The following CREG2 variants were observed in gnomAD, a reference collection of about 807,000 sequenced individuals.
CREG2 encodes the protein cellular repressor of E1A stimulated genes 2.
In CREG2, 24 loss-of-function variants were observed where a neutral mutation model predicts 26.2. That is an observed-to-expected ratio of 0.92 (90% confidence interval 0.66 to 1.29). The LOEUF (loss-of-function observed/expected upper bound fraction) is 1.29. Ranked by LOEUF, CREG2 falls within the 50% of genes most tolerant of loss-of-function variation. The probability of loss-of-function intolerance (pLI) is 0.00; values close to 1 mark genes in which losing one functional copy is unlikely to be tolerated. For missense variants in CREG2, 366 were observed against 398.6 expected (o/e 0.92, Z 0.70); for synonymous variants, 174 against 169.2 (o/e 1.03, Z -0.22).
intron 3 of CREG2, among the ~76,000 whole-genome samples, chr2:101,354,622 T>C (rs115542362): frequency 6.6e-6 from 1 of 152,152 alleles, no homozygotes; most frequent in African/African-American, 2.4e-5. Flanking sequence ...TGGACACCTG[T>C]GGAAAGGCCA....
chr2:101,366,709 C>A (rs1684622551), intron 2 of CREG2, among the ~76,000 whole-genome samples: 1 of 152,044 alleles, frequency 6.6e-6, no homozygotes, highest in Non-Finnish European at 1.5e-5. Context: ...GAAATCCCAG[C>A]AACTTGGGAG....
At chr2:101,367,722 C>T (rs192091383) in intron 2 of CREG2, among the ~76,000 whole-genome samples, 1 of 152,268 alleles carries the variant, frequency 6.6e-6, no homozygotes, top group Admixed American at 6.5e-5. Flanking sequence ...AGAGATTATC[C>T]TGGATTATCC....
chr2:101,357,217 T>A (rs961691800), intron 2 of CREG2, among the ~76,000 whole-genome samples: 2 of 151,476 alleles, frequency 1.3e-5, no homozygotes, highest in African/African-American at 4.8e-5. Flanking sequence ...GAGATGGGGT[T>A]TCACCGTGTT....
rs192646561 is a variant in CREG2, at chr2:101,382,599, C to T, written c.611+934G>A. 1,131 of 985,418 alleles carry T rather than the reference C, an allele frequency of 1.1e-3. 1 individual carries two copies. The highest frequency in any genetic ancestry group is 1.3e-3 in the Non-Finnish European group (1,090 of 829,932). 61.0% of individuals were successfully genotyped at this position (985,418 alleles called of 1,614,324 possible). On this transcript the variant is annotated intron_variant, in intron 2 of 3. Coordinates refer to ENST00000324768, the MANE Select transcript of CREG2 (RefSeq NM_153836.4). ...TGGGGAACAGGGTCAGCTGAAGTGT[C>T]TCCATGTGGTCTGTCGTGGCTGAGG... is the stretch of plus-strand genomic sequence containing the variant.
chr2:101,351,201 C>G, intron 3 of CREG2, 131 bp from the exon 4 acceptor site: 1 of 854,994 alleles, frequency 1.2e-6, no homozygotes, highest in Admixed American at 3.0e-5. Flanking sequence ...AGAGGCAGAA[C>G]CAGGGAGCTG....
At chr2:101,386,958 C>G (rs1226526189) in intron 1 of CREG2, 59 bp downstream of exon 1, 8 of 1,229,074 alleles carry the variant, frequency 6.5e-6, no homozygotes, top group Non-Finnish European at 8.1e-6. Context: ...GTCCCTGTCC[C>G]CGTCCCCCGG....
chr2:101,384,852 C>T (rs545340246), intron 1 of CREG2, among the ~76,000 whole-genome samples: 1 of 152,202 alleles, frequency 6.6e-6, no homozygotes, highest in Admixed American at 6.5e-5. Flanking sequence ...CAGAGCCAGA[C>T]CCCATCTATA....
At chr2:101,356,723 C>G (rs116727567) in intron 2 of CREG2, among the ~76,000 whole-genome samples, 1 of 152,060 alleles carries the variant, frequency 6.6e-6, no homozygotes, top group Non-Finnish European at 1.5e-5. Flanking sequence ...AGAACCTGCA[C>G]TGGAGGGTTC....
Position 101,387,035 on chromosome 2 carries a change from G to A in CREG2, c.423C>T (p.Thr141=), listed in dbSNP as rs779083022. The A allele has an allele frequency of 1.3e-4, 166 of 1,232,054 alleles. No individual in the cohort carries two copies. In the African/African-American group the frequency reaches 2.1e-3, roughly 16 times the overall value. The allele number at this position is 1,232,054 out of a possible 1,614,324, so 76.3% of individuals were successfully genotyped here. A position where few individuals can be genotyped will look rare whatever the true frequency, so the allele number is the denominator to read the frequency against. Residue 141 remains threonine (T), a synonymous_variant, in exon 1 of 4, where the codon ACC becomes ACT. Coordinates refer to ENST00000324768, the MANE Select transcript of CREG2 (RefSeq NM_153836.4). The surrounding 1 kb of genome is among the most constrained non-coding windows in gnomAD (Gnocchi z 4.7). Reference sequence around the variant, plus strand: ...CGCTCACCTTCTTGTGGGTGGACACGGTGGCCAGGCAGCCCCAGACGCTGG... The same window carrying A: ...CGCTCACCTTCTTGTGGGTGGACACAGTGGCCAGGCAGCCCCAGACGCTGG... ...AHASVWGCLA[T]VSTHKKIQGL...
intron 2 of CREG2, among the ~76,000 whole-genome samples, chr2:101,374,659 A>C (rs1231738308): frequency 6.6e-6 from 1 of 152,228 alleles, no homozygotes; most frequent in African/African-American, 2.4e-5. Flanking sequence ...TGCTGCAAGC[A>C]GGTGCTCACT....
intron 2 of CREG2, among the ~76,000 whole-genome samples, chr2:101,366,407 T>C (rs1389906888): frequency 6.6e-6 from 1 of 152,210 alleles, no homozygotes; most frequent in Non-Finnish European, 1.5e-5. Flanking sequence ...AAATGTGTAT[T>C]GTTCAGAAGC....
At chr2:101,371,823 G>C (rs1163020651) in intron 2 of CREG2, among the ~76,000 whole-genome samples, 1 of 152,176 alleles carries the variant, frequency 6.6e-6, no homozygotes, top group Non-Finnish European at 1.5e-5. Context: ...CTTTTCAGAG[G>C]GAGGAGCCTT....
At position 101,346,580 on chromosome 2, in the gene CREG2, T is replaced by C. The variant is rs2104465329; in HGVS notation, c.*4343A>G. 6.6e-6 allele frequency: 1 copy of C among 152,336 alleles called. No homozygotes were observed. Among genetic ancestry groups the C allele is most frequent in the South Asian group, 2.1e-4 (1 of 4,828 alleles). The allele number at this position is 152,336 out of a possible 1,614,324, so 9.4% of individuals were successfully genotyped here. A position where few individuals can be genotyped will look rare whatever the true frequency, so the allele number is the denominator to read the frequency against. On this transcript the variant is annotated 3_prime_UTR_variant, in exon 4 of 4. Coordinates refer to ENST00000324768, the MANE Select transcript of CREG2 (RefSeq NM_153836.4). The stretch of plus-strand genomic sequence containing the variant: ...AAAATTTTAAAGAATTTTACACCTC[T>C]TCTGCAAATGGATATATTAACGGTT...
chr2:101,375,066 C>T (rs1016195370), intron 2 of CREG2, among the ~76,000 whole-genome samples: 1 of 152,154 alleles, frequency 6.6e-6, no homozygotes, highest in East Asian at 1.9e-4. Flanking sequence ...GTATAAGGGA[C>T]TGCCTATGAG....
chr2:101,352,949 C>A (rs1684404840), intron 3 of CREG2, among the ~76,000 whole-genome samples: 1 of 152,086 alleles, frequency 6.6e-6, no homozygotes, highest in Non-Finnish European at 1.5e-5. Context: ...ATCCTTGCCT[C>A]TAAAATTAAA....
intron 2 of CREG2, among the ~76,000 whole-genome samples, chr2:101,364,253 T>C (rs1340064292): frequency 6.6e-6 from 1 of 152,168 alleles, no homozygotes; most frequent in Non-Finnish European, 1.5e-5. Context: ...TTCTCAACCT[T>C]GGCACGGTTG....
chr2:101,354,599 G>A (rs1208074451), intron 3 of CREG2, among the ~76,000 whole-genome samples: 1 of 152,082 alleles, frequency 6.6e-6, no homozygotes, highest in East Asian at 1.9e-4. Context: ...CTGCACTTCC[G>A]GCGGTCCCTG....
chr2:101,361,067 G>T (rs1684531338), intron 2 of CREG2, among the ~76,000 whole-genome samples: 1 of 152,204 alleles, frequency 6.6e-6, no homozygotes, highest in Non-Finnish European at 1.5e-5. Flanking sequence ...TGAAAGCAAT[G>T]AAATTAACCT....
chr2:101,359,384 A>G (rs978498957), intron 2 of CREG2, among the ~76,000 whole-genome samples: 1 of 152,076 alleles, frequency 6.6e-6, no homozygotes, highest in African/African-American at 2.4e-5. Flanking sequence ...TTCTTCCTTT[A>G]CCAGTCAAGT....
Sources: gnomAD v4.1 joint callset for allele counts (sites outside exome capture counted in the v4.1 genomes callset) on GRCh38, gnomAD v4.1.1 for gene constraint, Gnocchi (gnomAD v3.1) non-coding constraint, MANE v1.5 for transcripts, NCBI Gene and HGNC (gene_info 2026-07-23, HGNC 2026-07-21) for gene names.